Variants in TENM3 observed in about 807,000 individuals in gnomAD.
TENM3 encodes teneurin transmembrane protein 3.
A neutral mutation model predicts 255.1 loss-of-function variants in TENM3; 63 were observed. The observed-to-expected ratio is 0.25, with a 90% CI of 0.20 to 0.30. TENM3 has a LOEUF of 0.30. Ranked by LOEUF, TENM3 falls within the 10% of genes least tolerant of loss-of-function variation. TENM3 has a pLI of 1.00. For missense variants in TENM3, 2,929 were observed against 3,461.1 expected (o/e 0.85, Z 3.86); for synonymous variants, 1,306 against 1,322.3 (o/e 0.99, Z 0.27).
At chr4:182,738,009 CTT>C (rs952911571) in intron 17 of TENM3, among the ~76,000 whole-genome samples, 60 of 152,210 alleles carry the variant, frequency 3.9e-4, no homozygotes, top group African/African-American at 1.3e-3. Context: ...ATTTAACACT[CTT>C]GAGTGAAAAC....
At chr4:181,572,779 A>G in the TENM3 span, among the ~76,000 whole-genome samples, 1 of 152,152 alleles carries the variant, frequency 6.6e-6, no homozygotes, top group Non-Finnish European at 1.5e-5. Context: ...TAAATATATA[A>G]TAAATTATTG....
At chr4:181,553,892 C>G in the TENM3 span, among the ~76,000 whole-genome samples, 1 of 151,990 alleles carries the variant, frequency 6.6e-6, no homozygotes, top group African/African-American at 2.4e-5. Context: ...TTAGCGCTGC[C>G]CAGCAATCCT....
intron 13 of TENM3, among the ~76,000 whole-genome samples, chr4:182,727,083 C>G (rs1054781412): frequency 6.6e-6 from 1 of 152,074 alleles, no homozygotes; most frequent in African/African-American, 2.4e-5. Context: ...TGTCAGTTCT[C>G]CTAAGAGTGA....
intron 3 of TENM3, among the ~76,000 whole-genome samples, chr4:182,423,877 C>G (rs953993688): frequency 1.3e-5 from 2 of 152,046 alleles, no homozygotes; most frequent in Non-Finnish European, 2.9e-5. Flanking sequence ...TAAACATATG[C>G]CTTCCGTTAA....
At chr4:182,013,566 C>G in the TENM3 span, among the ~76,000 whole-genome samples, 1 of 152,148 alleles carries the variant, frequency 6.6e-6, no homozygotes, top group African/African-American at 2.4e-5. Context: ...GCCTCCCTTT[C>G]TCCTCTGATG....
the TENM3 span, among the ~76,000 whole-genome samples, chr4:181,888,042 T>G: frequency 2.0e-5 from 3 of 152,166 alleles, no homozygotes; most frequent in Admixed American, 6.5e-5. Context: ...TTTATTTTAT[T>G]TTTTTGAGAC....
At chr4:182,326,928 G>T (rs1378308341) in intron 2 of TENM3, among the ~76,000 whole-genome samples, 1 of 152,152 alleles carries the variant, frequency 6.6e-6, no homozygotes, top group Non-Finnish European at 1.5e-5. Flanking sequence ...AAATAAAATT[G>T]ATATGATTCT....
intron 3 of TENM3, among the ~76,000 whole-genome samples, chr4:182,519,816 A>G (rs944527993): frequency 4.6e-5 from 7 of 152,196 alleles, no homozygotes; most frequent in Non-Finnish European, 8.8e-5. Context: ...AAATATTTCT[A>G]TATTTCAGAA....
At chr4:182,188,064 A>G (rs999113684) in intron 1 of TENM3, among the ~76,000 whole-genome samples, 4 of 152,174 alleles carry the variant, frequency 2.6e-5, no homozygotes, top group African/African-American at 9.6e-5. Context: ...TTGAAATACA[A>G]TTTTGAAGGT....
intron 12 of TENM3, chr4:182,711,650 A>G: frequency 1.3e-6 from 1 of 763,438 alleles, no homozygotes; most frequent in Non-Finnish European, 1.6e-6. Flanking sequence ...ATATCTCTAT[A>G]TAACTGTATA....
chr4:181,984,661 A>T, the TENM3 span, among the ~76,000 whole-genome samples: 1 of 152,096 alleles, frequency 6.6e-6, no homozygotes, highest in Non-Finnish European at 1.5e-5. Context: ...AAAGCAAAGT[A>T]ATCTCTAGTA....
the TENM3 span, among the ~76,000 whole-genome samples, chr4:181,550,207 TC>T: frequency 2.0e-5 from 3 of 152,176 alleles, no homozygotes; most frequent in Non-Finnish European, 4.4e-5. Flanking sequence ...CAGATTTTTT[TC>T]CCCAGTATGA....
chr4:181,890,491 T>G, the TENM3 span, among the ~76,000 whole-genome samples: 1 of 150,384 alleles, frequency 6.6e-6, no homozygotes, highest in South Asian at 2.1e-4. Flanking sequence ...GATCCCTTAC[T>G]ATCTTAGCTT....
chr4:181,850,541 G>A, the TENM3 span, among the ~76,000 whole-genome samples: 1 of 152,068 alleles, frequency 6.6e-6, no homozygotes, highest in Admixed American at 6.6e-5. Flanking sequence ...AGTAGTACTT[G>A]TTATATCGAG....
Position 182,692,750 on chromosome 4 carries a change from G to A in TENM3, c.2221+4399G>A, listed in dbSNP as rs1011878638. Among the ~76,000 whole-genome samples the A allele has an allele frequency of 3.9e-5, 6 of 152,264 alleles. No homozygotes were observed. In the South Asian group the frequency reaches 8.3e-4, roughly 21 times the overall value. On this transcript the variant is annotated intron_variant, in intron 12 of 27. Coordinates refer to ENST00000511685, the MANE Select transcript of TENM3 (RefSeq NM_001080477.4). ...AAATTTTGGAACCTCCCAAGTAATC[G>A]TAGTATTGTTAAAGTTTAATACTAT...
the TENM3 span, among the ~76,000 whole-genome samples, chr4:181,576,767 C>G: frequency 6.6e-6 from 1 of 150,422 alleles, no homozygotes; most frequent in Non-Finnish European, 1.5e-5. Context: ...TAGCAGCTAC[C>G]ACTCTTTTCC....
chr4:182,633,521 AG>A lies in TENM3; in HGVS notation c.988+4633del, dbSNP rs1751579334. Among the ~76,000 whole-genome samples the A allele has an allele frequency of 2.0e-5, 3 of 152,314 alleles. No homozygotes were observed. In the South Asian group the frequency reaches 6.2e-4, roughly 32 times the overall value. ...ATCTGGCACCTGATGCATGAACTGG[AG>A]CTTTGTTCACCTCACGCCAATGGCT... On this transcript the variant is annotated intron_variant, in intron 5 of 27. Transcript: ENST00000511685.
In TENM3 at chr4:182,673,097, A is replaced by T. The variant is rs746158713; in HGVS notation, c.1204A>T (p.Ile402Phe). ...AGCAATTCAAGAGATTCCTCCCGGGATCTTCTGGAGATCACAGCTCTTCAT... is the reference window on the plus strand; with the variant it reads ...AGCAATTCAAGAGATTCCTCCCGGGTTCTTCTGGAGATCACAGCTCTTCAT... Reference protein sequence around the residue: ...RRAIQEIPPGIFWRSQLFIDQ... With the variant: ...RRAIQEIPPGFFWRSQLFIDQ... Residue 402 changes from isoleucine to phenylalanine, a missense_variant, in exon 7 of 28, where the codon ATC (isoleucine) becomes TTC (phenylalanine). Around this residue, in one of 6 missense-constraint regions of TENM3, gnomAD observed 1,608 missense variants for 1,884.4 expected, o/e 0.85. Coordinates refer to ENST00000511685, the MANE Select transcript of TENM3 (RefSeq NM_001080477.4). 6.2e-7 allele frequency: 1 copy of T among 1,613,352 alleles called. No individual in the cohort carries two copies. The highest frequency in any genetic ancestry group is 8.5e-7 in the Non-Finnish European group (1 of 1,179,532).
chr4:181,630,786 A>G, the TENM3 span, among the ~76,000 whole-genome samples: 1 of 152,158 alleles, frequency 6.6e-6, no homozygotes, highest in Admixed American at 6.5e-5. Flanking sequence ...AATAAGTGTG[A>G]TGTGGTGCTG....
Sources: allele counts gnomAD v4.1 joint callset (sites outside exome capture counted in the v4.1 genomes callset), GRCh38; gene constraint gnomAD v4.1.1; regional missense constraint gnomAD v4.1.1; transcripts MANE v1.5; gene names NCBI Gene and HGNC (gene_info 2026-07-23, HGNC 2026-07-21).